MACROD2: variants seen among roughly 807,000 people sequenced by gnomAD.
The protein encoded by MACROD2 is mono-ADP ribosylhydrolase 2.
In MACROD2, 36 loss-of-function variants were observed where a neutral mutation model predicts 70.4. The ratio of observed to expected loss-of-function variants is 0.51; its 90% confidence interval spans 0.39 to 0.68. The LOEUF (loss-of-function observed/expected upper bound fraction) is 0.68, where lower values mean the gene tolerates loss of function less well. Ranked by LOEUF, MACROD2 falls within the 30% of genes least tolerant of loss-of-function variation. The probability of loss-of-function intolerance (pLI) is 0.00; values close to 1 mark genes in which losing one functional copy is unlikely to be tolerated. For missense variants in MACROD2, 496 were observed against 538.4 expected (o/e 0.92, Z 0.78); for synonymous variants, 172 against 178.8 (o/e 0.96, Z 0.30).
intron 2 of MACROD2, among the ~76,000 whole-genome samples, chr20:14,063,976 C>T (rs1315678719): frequency 1.3e-5 from 2 of 152,164 alleles, no homozygotes; most frequent in Non-Finnish European, 2.9e-5. Context: ...ATCTTCCCAC[C>T]TCGGCCTCCC....
At chr20:14,493,756 G>GT (rs1412314375) in intron 4 of MACROD2, 59 of 346,840 alleles carry the variant, frequency 1.7e-4, no homozygotes, top group African/African-American at 1.2e-3. Flanking sequence ...GGCATAAGGT[G>GT]TAACAGCTAT....
chr20:14,777,852 G>C (rs897518307), intron 5 of MACROD2, among the ~76,000 whole-genome samples: 2 of 152,080 alleles, frequency 1.3e-5, no homozygotes, highest in Non-Finnish European at 2.9e-5. Context: ...TTCAATTTTA[G>C]CAATGAGGAG....
intron 12 of MACROD2, among the ~76,000 whole-genome samples, chr20:15,962,040 A>T (rs943909675): frequency 6.6e-6 from 1 of 152,252 alleles, no homozygotes; most frequent in African/African-American, 2.4e-5. Context: ...TTTTTCCATC[A>T]TGGTCCAAAC....
At chr20:15,817,173 A>G (rs6135558) in intron 8 of MACROD2, among the ~76,000 whole-genome samples, 80,883 of 152,090 alleles carry the variant, frequency 0.53, 22,666 homozygotes, top group African/African-American at 0.72. Context: ...TGAAGAGGGA[A>G]TGCTTCAAGT....
chr20:14,010,089 A>C (rs1016441207), intron 2 of MACROD2, among the ~76,000 whole-genome samples: 8 of 152,166 alleles, frequency 5.3e-5, no homozygotes, highest in Non-Finnish European at 7.3e-5. Flanking sequence ...TTATTTGTCT[A>C]ACAAAGCTGT....
chr20:14,350,232 T>A (rs1349091334), intron 3 of MACROD2, among the ~76,000 whole-genome samples: 1 of 152,064 alleles, frequency 6.6e-6, no homozygotes. Context: ...TCCTTTCTTT[T>A]GGGTATATAA....
rs529462381 is a variant in MACROD2 at position 15,489,035 on chromosome 20, C to A, written c.572-10739C>A. Reference sequence around the variant, plus strand: ...CTGATGAAGCTTGCATAGATTGTAACCTTGTGTCCTATAAAAATGCAGTTC... The same window carrying A: ...CTGATGAAGCTTGCATAGATTGTAAACTTGTGTCCTATAAAAATGCAGTTC... On this transcript the variant is annotated intron_variant, in intron 7 of 17. Coordinates refer to ENST00000684519, the MANE Select transcript of MACROD2 (RefSeq NM_001351661.2). Among the ~76,000 whole-genome samples the A allele has an allele frequency of 6.6e-5, 10 of 152,298 alleles. No homozygotes were observed. In the East Asian group the frequency reaches 1.9e-3, roughly 29 times the overall value.
intron 5 of MACROD2, among the ~76,000 whole-genome samples, chr20:14,856,280 G>C (rs563126650): frequency 6.6e-6 from 1 of 152,194 alleles, no homozygotes; most frequent in East Asian, 1.9e-4. Context: ...TTAATGATCT[G>C]ATTTGACTTA....
intron 2 of MACROD2, among the ~76,000 whole-genome samples, chr20:14,054,807 A>G (rs1448475474): frequency 6.6e-6 from 1 of 152,180 alleles, no homozygotes; most frequent in Admixed American, 6.5e-5. Flanking sequence ...AAAACTCTGG[A>G]TTGTGAAGTA....
At chr20:14,611,027 A>G (rs771179711) in intron 4 of MACROD2, among the ~76,000 whole-genome samples, 2 of 152,092 alleles carry the variant, frequency 1.3e-5, no homozygotes, top group Non-Finnish European at 2.9e-5. Context: ...TATTGCTTCA[A>G]ATACTTGTTT....
At chr20:14,088,315 C>T (rs894367414) in intron 3 of MACROD2, among the ~76,000 whole-genome samples, 4 of 113,412 alleles carry the variant, frequency 3.5e-5, no homozygotes, top group South Asian at 2.8e-4. Context: ...GGCGTCAGAG[C>T]GAGACTCCAT....
chr20:15,061,424 C>T (rs1226225910), intron 5 of MACROD2, among the ~76,000 whole-genome samples: 1 of 152,188 alleles, frequency 6.6e-6, no homozygotes, highest in African/African-American at 2.4e-5. Flanking sequence ...TCTGTCTCCC[C>T]AAGCTCTTCA....
chr20:14,709,472 A>T (rs1008682209), intron 5 of MACROD2, among the ~76,000 whole-genome samples: 1 of 152,110 alleles, frequency 6.6e-6, no homozygotes, highest in Non-Finnish European at 1.5e-5. Flanking sequence ...GCTGCCTCAA[A>T]CCACTGTATC....
intron 15 of MACROD2, among the ~76,000 whole-genome samples, chr20:16,001,828 A>T (rs933105688): frequency 6.6e-6 from 1 of 152,072 alleles, no homozygotes; most frequent in Non-Finnish European, 1.5e-5. Flanking sequence ...TTCGTAACGT[A>T]TTAAGATATG....
At chr20:14,488,323 T>A (rs758483009) in intron 3 of MACROD2, among the ~76,000 whole-genome samples, 11 of 152,348 alleles carry the variant, frequency 7.2e-5, no homozygotes, top group Non-Finnish European at 1.3e-4. Context: ...CTCATTTTTG[T>A]AACTGAGCCA....
intron 3 of MACROD2, among the ~76,000 whole-genome samples, chr20:14,173,303 A>G (rs1476500171): frequency 1.3e-5 from 2 of 151,962 alleles, no homozygotes; most frequent in Non-Finnish European, 2.9e-5. Context: ...TCAACTTCTT[A>G]AAGTCTTTGT....
chr20:14,458,741 G>C (rs904754590), intron 3 of MACROD2, among the ~76,000 whole-genome samples: 1 of 152,080 alleles, frequency 6.6e-6, no homozygotes, highest in Non-Finnish European at 1.5e-5. Context: ...AAGGCAAGCA[G>C]TTATGTTGAA....
chr20:16,020,679 T>C (rs1299658196), intron 15 of MACROD2, among the ~76,000 whole-genome samples: 1 of 151,084 alleles, frequency 6.6e-6, no homozygotes, highest in Non-Finnish European at 1.5e-5. Flanking sequence ...TATTAACGAA[T>C]TCACTCTTCC....
intron 5 of MACROD2, among the ~76,000 whole-genome samples, chr20:15,021,110 ATGTGTATACACG>A (rs1329032745): frequency 4.3e-5 from 4 of 93,092 alleles, no homozygotes; most frequent in South Asian, 2.8e-4. Context: ...ATACACGTGT[ATGTGTATACACG>A]TGTGTATACA....
Sources: gnomAD v4.1 joint callset for allele counts (sites outside exome capture counted in the v4.1 genomes callset) on GRCh38, gnomAD v4.1.1 for gene constraint, MANE v1.5 for transcripts, NCBI Gene and HGNC (gene_info 2026-07-23, HGNC 2026-07-21) for gene names.